Variants in CACNA1E observed in about 807,000 individuals in gnomAD.
CACNA1E encodes calcium voltage-gated channel subunit alpha1 E, also known as voltage-dependent R-type calcium channel subunit alpha-1E.
In CACNA1E, 40 loss-of-function variants were observed where a neutral mutation model predicts 259.2. The ratio of observed to expected loss-of-function variants is 0.15; its 90% CI spans 0.12 to 0.20. The LOEUF (loss-of-function observed/expected upper bound fraction) is 0.20. Ranked by LOEUF, CACNA1E falls within the 10% of genes least tolerant of loss-of-function variation. CACNA1E has a pLI of 1.00. For synonymous variants in CACNA1E, 1,104 were observed against 1,138.5 expected (o/e 0.97, Z 0.61); for missense variants, 1,874 against 3,040.1 (o/e 0.62, Z 9.02).
chr1:181,686,142 T>C (rs922704518), intron 7 of CACNA1E, among the ~76,000 whole-genome samples: 1 of 152,096 alleles, frequency 6.6e-6, no homozygotes, highest in African/African-American at 2.4e-5. Flanking sequence ...TATGTCTACC[T>C]ATCCTTGTCC....
intron 3 of CACNA1E, among the ~76,000 whole-genome samples, chr1:181,567,268 G>A (rs1036283475): frequency 5.3e-5 from 8 of 152,110 alleles, no homozygotes; most frequent in Admixed American, 1.3e-4. Flanking sequence ...TCCTAGAAAT[G>A]GCACAGATCT....
intron 3 of CACNA1E, among the ~76,000 whole-genome samples, chr1:181,561,605 G>A (rs1649334247): frequency 6.6e-6 from 1 of 152,102 alleles, no homozygotes; most frequent in Admixed American, 6.6e-5. Context: ...CCATGTTGCT[G>A]CATATATCTG....
At chr1:181,721,485 A>G (rs1001024071) in intron 15 of CACNA1E, among the ~76,000 whole-genome samples, 13 of 152,264 alleles carry the variant, frequency 8.5e-5, no homozygotes, top group African/African-American at 3.1e-4. Context: ...GGACCTTGCA[A>G]AACTGGAGGT....
At chr1:181,790,945 T>C (rs1046203063) in intron 44 of CACNA1E, among the ~76,000 whole-genome samples, 1 of 152,234 alleles carries the variant, frequency 6.6e-6, no homozygotes, top group Non-Finnish European at 1.5e-5. Context: ...TAGGTACTGC[T>C]TGTGGGACAC....
intron 3 of CACNA1E, among the ~76,000 whole-genome samples, chr1:181,564,887 C>CTTTT (rs34262228): frequency 6.8e-6 from 1 of 147,370 alleles, no homozygotes. Flanking sequence ...TGAAAGGAAT[C>CTTTT]TTTTTTTTTT....
At chr1:181,619,681 A>T (rs143656941) in intron 6 of CACNA1E, among the ~76,000 whole-genome samples, 1 of 152,338 alleles carries the variant, frequency 6.6e-6, no homozygotes, top group Non-Finnish European at 1.5e-5. Flanking sequence ...GGGTAGCAGT[A>T]TGAATGGTGA....
intron 1 of CACNA1E, among the ~76,000 whole-genome samples, chr1:181,372,360 T>C (rs967646668): frequency 2.0e-5 from 3 of 152,204 alleles, no homozygotes; most frequent in African/African-American, 7.2e-5. Flanking sequence ...TTTGTGGCTA[T>C]TGTGAGTGGG....
intron 2 of CACNA1E, among the ~76,000 whole-genome samples, chr1:181,467,716 G>A (rs975207217): frequency 3.9e-5 from 6 of 152,172 alleles, no homozygotes; most frequent in Admixed American, 2.0e-4. Context: ...AGTGTACATA[G>A]TGAGGCAAAT....
chr1:181,641,716 T>TTG (rs1553308072), intron 6 of CACNA1E, among the ~76,000 whole-genome samples: 9 of 33,520 alleles, frequency 2.7e-4, no homozygotes, highest in Admixed American at 5.1e-4. Context: ...TTTTTTTTTT[T>TTG]TTTTTTTTTT....
At position 181,732,897 on chromosome 1, in the gene CACNA1E, C is replaced by T; in HGVS notation, c.2811C>T (p.Ser937=). The stretch of plus-strand genomic sequence containing the variant: ...AAGGCAAGGAGTCCTCTTCAGCCTC[C>T]CGGAGCAGGTCTGCCAGCCAGGAAC... The part of the protein sequence containing the change: ...RTEGKESSSA[S]RSRSASQERS... Residue 937 remains serine (S), a synonymous_variant, in exon 20 of 48, where the codon TCC becomes TCT. Transcript: ENST00000367573. The surrounding 1 kb of genome is among the most constrained non-coding windows in gnomAD (Gnocchi z 5.5). 3 of 1,613,974 alleles carry T rather than the reference C, an allele frequency of 1.9e-6. No homozygotes were observed. Among genetic ancestry groups the T allele is most frequent in the South Asian group, 2.2e-5 (2 of 91,084 alleles).
At chr1:181,456,800 G>T (rs1415422036) in intron 2 of CACNA1E, among the ~76,000 whole-genome samples, 1 of 152,176 alleles carries the variant, frequency 6.6e-6, no homozygotes, top group Non-Finnish European at 1.5e-5. Context: ...GCTCCAATGG[G>T]AGCTAATATT....
intron 1 of CACNA1E, among the ~76,000 whole-genome samples, chr1:181,506,188 G>A (rs1665692701): frequency 6.6e-6 from 1 of 152,218 alleles, no homozygotes; most frequent in African/African-American, 2.4e-5. Context: ...TGGCGACTCG[G>A]AGCTCCCTTT....
At chr1:181,392,690 T>C (rs1656384457) in intron 1 of CACNA1E, among the ~76,000 whole-genome samples, 1 of 152,180 alleles carries the variant, frequency 6.6e-6, no homozygotes, top group Admixed American at 6.5e-5. Flanking sequence ...ATCAGTGATC[T>C]CAGAACCCCA....
intron 1 of CACNA1E, among the ~76,000 whole-genome samples, chr1:181,346,318 T>G (rs1184215190): frequency 2.0e-5 from 3 of 152,248 alleles, no homozygotes; most frequent in African/African-American, 7.2e-5. Flanking sequence ...TCCTTAGTCC[T>G]TATCACCATG....
intron 1 of CACNA1E, among the ~76,000 whole-genome samples, chr1:181,332,910 C>T (rs2102603268): frequency 1.3e-5 from 2 of 152,268 alleles, no homozygotes; most frequent in East Asian, 3.9e-4. Flanking sequence ...TCGATCAAGG[C>T]TATCCATCGT....
chr1:181,766,077 C>G (rs1289670057), intron 34 of CACNA1E, among the ~76,000 whole-genome samples: 1 of 152,152 alleles, frequency 6.6e-6, no homozygotes, highest in Non-Finnish European at 1.5e-5. Flanking sequence ...AGTGAGACCC[C>G]AATCATTTCA....
intron 3 of CACNA1E, among the ~76,000 whole-genome samples, chr1:181,528,723 C>A (rs917289922): frequency 6.6e-6 from 1 of 152,120 alleles, no homozygotes; most frequent in African/African-American, 2.4e-5. Context: ...TGGCCTATTG[C>A]CCCTGCCCTA....
chr1:181,785,660 C>A, intron 42 of CACNA1E, 53 bp from the exon 43 acceptor site: 1 of 1,247,108 alleles, frequency 8.0e-7, no homozygotes. Flanking sequence ...TTCCCCACAG[C>A]AAACTCCGTA....
At chr1:181,660,973 G>A (rs1436157750) in intron 7 of CACNA1E, among the ~76,000 whole-genome samples, 2 of 152,208 alleles carry the variant, frequency 1.3e-5, no homozygotes, top group Non-Finnish European at 2.9e-5. Flanking sequence ...CCCCTCAACG[G>A]GTTTGAGTCT....
Sources: gnomAD v4.1 joint callset for allele counts (sites outside exome capture counted in the v4.1 genomes callset) on GRCh38, gnomAD v4.1.1 for gene constraint, Gnocchi (gnomAD v3.1) non-coding constraint, MANE v1.5 for transcripts, NCBI Gene and HGNC (gene_info 2026-07-23, HGNC 2026-07-21) for gene names.